The following YWHAQ variants were observed in gnomAD, a reference collection of about 807,000 sequenced individuals.
YWHAQ encodes the protein 14-3-3 protein theta.
In YWHAQ, 6 loss-of-function variants were observed where a neutral mutation model predicts 28.3. That is an observed-to-expected ratio of 0.21 (90% CI 0.12 to 0.42). The LOEUF (loss-of-function observed/expected upper bound fraction) is 0.42. Among genes scored for constraint, YWHAQ ranks in the 10% least tolerant of loss-of-function variants. YWHAQ has a pLI of 1.00. For synonymous variants in YWHAQ, 143 were observed against 119.1 expected, an observed-to-expected ratio of 1.20 and a Z score of -1.31; for missense variants, 201 against 305.6, an observed-to-expected ratio of 0.66 and a Z score of 2.55.
intron 2 of YWHAQ, among the ~76,000 whole-genome samples, chr2:9,629,653 G>C (rs371561544): frequency 6.6e-5 from 10 of 152,258 alleles, no homozygotes; most frequent in African/African-American, 2.4e-4. Context: ...TGGGGGGTGG[G>C]GGGGAGCACA....
chr2:9,624,668 C>T (rs528491986), intron 2 of YWHAQ, among the ~76,000 whole-genome samples: 6 of 152,154 alleles, frequency 3.9e-5, no homozygotes, highest in South Asian at 2.1e-4. Flanking sequence ...GCCAAAATTC[C>T]GCTGGGGGCA....
chr2:9,608,910 C>T (rs960970988), intron 2 of YWHAQ, among the ~76,000 whole-genome samples: 6 of 152,116 alleles, frequency 3.9e-5, no homozygotes, highest in African/African-American at 1.4e-4. Context: ...CACTGCACTC[C>T]AGCCTGAGCA....
intron 2 of YWHAQ, among the ~76,000 whole-genome samples, chr2:9,592,131 T>C (rs1017458564): frequency 6.6e-6 from 1 of 152,006 alleles, no homozygotes; most frequent in African/African-American, 2.4e-5. Flanking sequence ...CGAGGGAGAA[T>C]AGTGCTACTC....
At chr2:9,605,021 C>A (rs535145217) in intron 2 of YWHAQ, among the ~76,000 whole-genome samples, 1 of 152,188 alleles carries the variant, frequency 6.6e-6, no homozygotes, top group Admixed American at 6.5e-5. Context: ...ATACAGAATA[C>A]TACTTTGAAA....
At position 9,600,074 on chromosome 2, in the gene YWHAQ, A is replaced by G. The variant is rs1287259894; in HGVS notation, c.295-8559T>C. ...TGACTTTGAGGACTTTTAAGATTTC[A>G]GTGGAAATCTTCCACCTGCAGATGT... On this transcript the variant is annotated intron_variant, in intron 2 of 5. Coordinates refer to ENST00000238081, the MANE Select transcript of YWHAQ (RefSeq NM_006826.4). 3.3e-5 allele frequency among the ~76,000 whole-genome samples: 5 copies of G among 152,348 alleles called. No individual in the cohort carries two copies. The East Asian group carries it at 9.6e-4, about 29-fold the overall frequency.
rs2125060804 is a variant in YWHAQ, at chr2:9,585,115, A to G, written c.*171T>C. Reference sequence around the variant, plus strand: ...CTGCACACCAGGAAGGCCAAGACAAACACAAATCAAGGAATGAAGTTTTCC... The same window carrying G: ...CTGCACACCAGGAAGGCCAAGACAAGCACAAATCAAGGAATGAAGTTTTCC... On this transcript the variant is annotated 3_prime_UTR_variant, in exon 6 of 6. Transcript: ENST00000238081. 5.8e-6 allele frequency: 4 copies of G among 695,136 alleles called. No individual in the cohort carries two copies. Among genetic ancestry groups the G allele is most frequent in the Non-Finnish European group, 9.8e-6 (4 of 407,776 alleles). The allele number at this position is 695,136 out of a possible 1,614,324, so 43.1% of individuals were successfully genotyped here. A position where few individuals can be genotyped will look rare whatever the true frequency, so the allele number is the denominator to read the frequency against.
chr2:9,620,772 G>C (rs992131804), intron 2 of YWHAQ: 5 of 152,174 alleles, frequency 3.3e-5, no homozygotes, highest in Non-Finnish European at 7.3e-5. Context: ...CTAGGGATAA[G>C]ATGGGGTGCA....
At chr2:9,618,861 G>C (rs1438001746) in intron 2 of YWHAQ, among the ~76,000 whole-genome samples, 1 of 151,904 alleles carries the variant, frequency 6.6e-6, no homozygotes, top group Non-Finnish European at 1.5e-5. Flanking sequence ...TAACACACTA[G>C]AAAAAATGAT....
At chr2:9,597,308 T>C (rs999624219) in intron 2 of YWHAQ, among the ~76,000 whole-genome samples, 1 of 152,144 alleles carries the variant, frequency 6.6e-6, no homozygotes, top group Admixed American at 6.5e-5. Context: ...ATAAAATGAA[T>C]GCATTAAACA....
intron 2 of YWHAQ, chr2:9,620,730 C>G (rs1046748525): frequency 6.6e-6 from 1 of 152,160 alleles, no homozygotes; most frequent in Non-Finnish European, 1.5e-5. Context: ...ATTATCACAT[C>G]TGTGATTTTC....
chr2:9,612,172 T>C (rs1303434967), intron 2 of YWHAQ, among the ~76,000 whole-genome samples: 1 of 152,194 alleles, frequency 6.6e-6, no homozygotes, highest in Non-Finnish European at 1.5e-5. Context: ...CATTCCTATT[T>C]CTATTACCCA....
At position 9,584,367 on chromosome 2, in the gene YWHAQ, A is replaced by G. The variant is rs1193678198; in HGVS notation, c.*919T>C. 2 of 152,684 alleles carry G rather than the reference A, an allele frequency of 1.3e-5. No individual in the cohort carries two copies. The highest frequency in any genetic ancestry group is 2.9e-5 in the Non-Finnish European group (2 of 68,038). The allele number at this position is 152,684 out of a possible 1,614,324, so 9.5% of individuals were successfully genotyped here. On this transcript the variant is annotated 3_prime_UTR_variant, in exon 6 of 6. Transcript: ENST00000238081. The stretch of plus-strand genomic sequence containing the variant: ...GGGACTACAGTCAATGATTAGCAAC[A>G]CACAATAGTGGTCCAACTCTCTAAA...
intron 2 of YWHAQ, among the ~76,000 whole-genome samples, chr2:9,610,243 C>T (rs749716308): frequency 6.6e-6 from 1 of 152,220 alleles, no homozygotes; most frequent in Non-Finnish European, 1.5e-5. Flanking sequence ...GTCCATTTCA[C>T]TGGTATGATT....
chr2:9,609,881 G>C (rs754810730), intron 2 of YWHAQ, among the ~76,000 whole-genome samples: 10 of 152,188 alleles, frequency 6.6e-5, no homozygotes, highest in Non-Finnish European at 1.2e-4. Context: ...AACTTTTTTA[G>C]AGTGGGAAGG....
At chr2:9,622,786 T>C (rs915507973) in intron 2 of YWHAQ, among the ~76,000 whole-genome samples, 1 of 152,312 alleles carries the variant, frequency 6.6e-6, no homozygotes, top group East Asian at 1.9e-4. Flanking sequence ...ATGCAAACAA[T>C]AGTTTCAAAT....
At chr2:9,626,587 C>T (rs1006609249) in intron 2 of YWHAQ, among the ~76,000 whole-genome samples, 7 of 152,180 alleles carry the variant, frequency 4.6e-5, no homozygotes, top group Non-Finnish European at 7.3e-5. Context: ...TGCCACCACG[C>T]CTGGCTAATT....
At chr2:9,587,804 C>G (rs1666375469) in intron 4 of YWHAQ, among the ~76,000 whole-genome samples, 1 of 152,224 alleles carries the variant, frequency 6.6e-6, no homozygotes, top group Non-Finnish European at 1.5e-5. Context: ...TCTACAGGGT[C>G]CTCTTTATTC....
At chr2:9,627,423 C>G (rs1489330383) in intron 2 of YWHAQ, among the ~76,000 whole-genome samples, 1 of 152,226 alleles carries the variant, frequency 6.6e-6, no homozygotes, top group Non-Finnish European at 1.5e-5. Context: ...TGTTACTCTA[C>G]TTTCCTAGAC....
At chr2:9,615,967 A>G (rs1329841944) in intron 2 of YWHAQ, among the ~76,000 whole-genome samples, 1 of 152,204 alleles carries the variant, frequency 6.6e-6, no homozygotes, top group South Asian at 2.1e-4. Context: ...AACAGAATTG[A>G]AAAGTATTAA....
Sources: allele counts gnomAD v4.1 joint callset (sites outside exome capture counted in the v4.1 genomes callset), GRCh38; gene constraint gnomAD v4.1.1; transcripts MANE v1.5; gene names NCBI Gene and HGNC (gene_info 2026-07-23, HGNC 2026-07-21).